STEAP1B: variants seen among roughly 807,000 people sequenced by gnomAD.
STEAP1B encodes STEAP family protein MGC87042.
In STEAP1B, 13 loss-of-function variants were observed where a neutral mutation model predicts 27.9. The ratio of observed to expected loss-of-function variants is 0.47; its 90% confidence interval spans 0.30 to 0.74. The LOEUF (loss-of-function observed/expected upper bound fraction) is 0.74. STEAP1B is among the 30% of genes least tolerant of loss of function. The probability of loss-of-function intolerance (pLI) is 0.06; values close to 1 mark genes in which losing one functional copy is unlikely to be tolerated. For synonymous variants in STEAP1B, 86 were observed against 107.1 expected (o/e 0.80, Z 1.22); for missense variants, 250 against 298.7 (o/e 0.84, Z 1.20).
At position 22,424,564 on chromosome 7, in the gene STEAP1B, G is replaced by A. The variant is rs946964344; in HGVS notation, c.763-4728C>T. Among the ~76,000 whole-genome samples, 2 of 152,066 alleles carry A rather than the reference G, an allele frequency of 1.3e-5. 1 individual carries two copies. Among genetic ancestry groups the A allele is most frequent in the Admixed American group, 1.3e-4 (2 of 15,256 alleles). ...TGCTGTTGGATTAAACATAAAGGAG[G>A]ACATCATTTTAGAAATAAAATTTGG... On this transcript the variant is annotated intron_variant, in intron 4 of 4. Coordinates refer to ENST00000678116, the MANE Select transcript of STEAP1B (RefSeq NM_001382447.1).
chr7:22,463,524 C>T (rs1202736829), intron 4 of STEAP1B, among the ~76,000 whole-genome samples: 5 of 152,166 alleles, frequency 3.3e-5, no homozygotes, highest in Admixed American at 6.5e-5. Context: ...AAGAACAAAG[C>T]GGGAGGCATC....
intron 4 of STEAP1B, among the ~76,000 whole-genome samples, chr7:22,483,130 C>T (rs1022668943): frequency 3.9e-5 from 6 of 152,042 alleles, no homozygotes; most frequent in Admixed American, 3.9e-4. Flanking sequence ...GAAGTTTTGG[C>T]CCACGTCACC....
At chr7:22,497,391 C>A (rs187292323) in intron 1 of STEAP1B, among the ~76,000 whole-genome samples, 1 of 152,248 alleles carries the variant, frequency 6.6e-6, no homozygotes, top group Admixed American at 6.5e-5. Flanking sequence ...CAGAAGAGTC[C>A]TGGTGGCATA....
At chr7:22,433,613 C>T (rs1322099297) in intron 4 of STEAP1B, among the ~76,000 whole-genome samples, 1 of 152,162 alleles carries the variant, frequency 6.6e-6, no homozygotes, top group Non-Finnish European at 1.5e-5. Flanking sequence ...ATATTTGGGC[C>T]TGCCACATAG....
At chr7:22,464,366 G>A (rs1785734504) in intron 4 of STEAP1B, among the ~76,000 whole-genome samples, 1 of 152,116 alleles carries the variant, frequency 6.6e-6, no homozygotes, top group Non-Finnish European at 1.5e-5. Flanking sequence ...GGTTTACTGA[G>A]GGTGTGTTCT....
At chr7:22,492,466 A>C (rs1331491100) in intron 4 of STEAP1B, 99 bp downstream of exon 4, 1 of 1,416,264 alleles carries the variant, frequency 7.1e-7, no homozygotes, top group African/African-American at 1.5e-5. Flanking sequence ...TTGCTGTTGA[A>C]AAACATTTGT....
At chr7:22,431,305 G>A (rs149661017) in intron 4 of STEAP1B, among the ~76,000 whole-genome samples, 9 of 152,132 alleles carry the variant, frequency 5.9e-5, no homozygotes, top group Non-Finnish European at 1.2e-4. Context: ...GCAGCTTTAG[G>A]GACTGCTTGT....
intron 4 of STEAP1B, among the ~76,000 whole-genome samples, chr7:22,462,401 T>G (rs1370469954): frequency 9.0e-6 from 1 of 111,116 alleles, no homozygotes; most frequent in Non-Finnish European, 1.8e-5. Context: ...CCCACAACAG[T>G]CCCCAGAGTG....
In STEAP1B at chr7:22,492,641, A is replaced by G. The variant is rs16881817; in HGVS notation, c.686T>C (p.Ile229Thr). Reference sequence around the variant, plus strand: ...AGATGTCACAGCCAACAGAGCCAGTATTGCCAGTCCCACAATTCCCAGAGA... The same window carrying G: ...AGATGTCACAGCCAACAGAGCCAGTGTTGCCAGTCCCACAATTCCCAGAGA... ...YVSLGIVGLA[I>T]LALLAVTSIP... The change falls in exon 4 of 5, where the codon ATA becomes ACA. Residue 229 changes from isoleucine (I) to threonine (T), a missense_variant. Ile to Thr is a moderately conservative substitution (Grantham distance 89, BLOSUM62 -1). Coordinates refer to ENST00000678116, the MANE Select transcript of STEAP1B (RefSeq NM_001382447.1). 0.29 allele frequency: 460,836 copies of G among 1,610,420 alleles called. 68,049 individuals are homozygous for G. The highest frequency in any genetic ancestry group is 0.4 in the South Asian group (36,569 of 90,316).
At chr7:22,489,941 G>C (rs952027960) in intron 4 of STEAP1B, among the ~76,000 whole-genome samples, 1 of 151,606 alleles carries the variant, frequency 6.6e-6, no homozygotes, top group African/African-American at 2.4e-5. Context: ...GTGAATAAAA[G>C]TGCTGAATTA....
At chr7:22,420,021 T>C (rs140877264) in intron 4 of STEAP1B, among the ~76,000 whole-genome samples, 185 bp from the exon 5 acceptor site, 2 of 152,324 alleles carry the variant, frequency 1.3e-5, no homozygotes, top group Non-Finnish European at 2.9e-5. Flanking sequence ...GGGCCTAGAA[T>C]TCCGGTGTGG....
At position 22,493,466 on chromosome 7, in the gene STEAP1B, T is replaced by G. The variant is rs764814665; in HGVS notation, c.455A>C (p.His152Pro). The change falls in exon 3 of 5, where the codon CAT (histidine) becomes CCT (proline). Residue 152 changes from histidine to proline, a missense_variant. His to Pro is a moderately conservative substitution (Grantham distance 77, BLOSUM62 -2). Coordinates refer to ENST00000678116, the MANE Select transcript of STEAP1B (RefSeq NM_001382447.1). ...TGTTAACATCCACTTATCCAACCAA[T>G]GTGGAAACTTCTTATACTTGGTTCC... Reference protein sequence around the residue: ...HNGTKYKKFPHWLDKWMLTRK... With the variant: ...HNGTKYKKFPPWLDKWMLTRK... 1 of 1,613,602 alleles carries G rather than the reference T, an allele frequency of 6.2e-7. No homozygotes were observed. The highest frequency in any genetic ancestry group is 8.5e-7 in the Non-Finnish European group (1 of 1,179,598).
intron 2 of STEAP1B, among the ~76,000 whole-genome samples, chr7:22,494,525 C>T (rs11767608): frequency 0.29 from 44,446 of 151,372 alleles, 6,591 homozygotes; most frequent in Middle Eastern, 0.46. Flanking sequence ...TATAAACAAA[C>T]TAAGACCCCA....
chr7:22,470,907 A>G (rs1427605385), intron 4 of STEAP1B, among the ~76,000 whole-genome samples: 3 of 151,996 alleles, frequency 2.0e-5, no homozygotes, highest in Admixed American at 6.6e-5. Context: ...CCCTCATTTC[A>G]CCCTCATAAT....
chr7:22,485,739 T>G (rs914655033), intron 4 of STEAP1B, among the ~76,000 whole-genome samples: 1 of 152,232 alleles, frequency 6.6e-6, no homozygotes, highest in East Asian at 1.9e-4. Context: ...CTCTACATAG[T>G]TTGCGTGAAA....
At chr7:22,484,102 A>G (rs1009064746) in intron 4 of STEAP1B, among the ~76,000 whole-genome samples, 7 of 152,264 alleles carry the variant, frequency 4.6e-5, no homozygotes, top group Non-Finnish European at 7.3e-5. Context: ...AAGGTGAAGC[A>G]GCAAGTACTG....
intron 4 of STEAP1B, among the ~76,000 whole-genome samples, chr7:22,487,595 G>T (rs1000729878): frequency 6.6e-6 from 1 of 151,428 alleles, no homozygotes; most frequent in Non-Finnish European, 1.5e-5. Context: ...ACCTGAGGTC[G>T]GGAGTTCAAG....
rs556983437 is a variant in STEAP1B, at chr7:22,481,221, A to G, written c.762+11344T>C. On this transcript the variant is annotated intron_variant, in intron 4 of 4. Transcript: ENST00000678116. ...TTGGCCCAAGGTCCTGTCAATTCAC[A>G]TATACACCTGTCCAGCCCACCCAGC... Among the ~76,000 whole-genome samples, 241 of 152,312 alleles carry G rather than the reference A, an allele frequency of 1.6e-3. 1 individual carries two copies. The highest frequency in any genetic ancestry group is 7.3e-3 in the South Asian group (35 of 4,820).
chr7:22,474,398 C>A (rs1009410774), intron 4 of STEAP1B, among the ~76,000 whole-genome samples: 1 of 152,182 alleles, frequency 6.6e-6, no homozygotes, highest in Non-Finnish European at 1.5e-5. Context: ...ACATTCTAGT[C>A]TGCATCCAAG....
Sources: gnomAD v4.1 joint callset for allele counts (sites outside exome capture counted in the v4.1 genomes callset) on GRCh38, gnomAD v4.1.1 for gene constraint, MANE v1.5 for transcripts, NCBI Gene and HGNC (gene_info 2026-07-23, HGNC 2026-07-21) for gene names.